Variants in MPDZ observed in about 807,000 individuals in gnomAD.
MPDZ encodes multiple PDZ domain crumbs cell polarity complex component, also known as multiple PDZ domain protein.
MPDZ carries 234 observed loss-of-function variants against 239.1 expected under a neutral mutation model. The observed-to-expected ratio is 0.98, with a 90% CI of 0.88 to 1.09. MPDZ has a LOEUF of 1.09. MPDZ is among the 50% of genes least tolerant of loss of function. The pLI is 0.00. For missense variants in MPDZ, 3,175 were observed against 2,510.0 expected, an observed-to-expected ratio of 1.26 and a Z score of -5.66; for synonymous variants, 1,048 against 881.3, an observed-to-expected ratio of 1.19 and a Z score of -3.35.
At chr9:13,165,244 T>G (rs956810833) in intron 22 of MPDZ, 10 of 921,992 alleles carry the variant, frequency 1.1e-5, no homozygotes, top group Non-Finnish European at 1.4e-5. Context: ...CAATCTAAAA[T>G]GTATATACAA....
At chr9:13,178,595 G>T (rs1952834006) in intron 19 of MPDZ, among the ~76,000 whole-genome samples, 1 of 152,158 alleles carries the variant, frequency 6.6e-6, no homozygotes, top group African/African-American at 2.4e-5. Flanking sequence ...TTTATGAAGA[G>T]ATCAAGAGCA....
chr9:13,117,348 A>G (rs148640104), intron 39 of MPDZ, among the ~76,000 whole-genome samples: 4,567 of 152,080 alleles, frequency 0.03, 225 homozygotes, highest in South Asian at 0.12. Flanking sequence ...TGGGTAACAC[A>G]GTGAAACCCT....
intron 23 of MPDZ, among the ~76,000 whole-genome samples, chr9:13,160,830 T>TTA (rs58374268): frequency 0.052 from 1,974 of 37,820 alleles, 101 homozygotes; most frequent in Admixed American, 0.078. Flanking sequence ...ATTATTAAAA[T>TTA]TATATATATA....
rs568936393 is a variant in MPDZ, at chr9:13,200,020, T to C, written c.1547-3790A>G. Among the ~76,000 whole-genome samples the C allele has an allele frequency of 1.2e-4, 18 of 152,152 alleles. No homozygotes were observed. The South Asian group carries it at 3.5e-3, about 30-fold the overall frequency. On this transcript the variant is annotated intron_variant, in intron 12 of 46. Coordinates refer to ENST00000319217, the MANE Select transcript of MPDZ (RefSeq NM_001378778.1). ...TCTTCAATTTTTTGGAATAGTTTAG[T>C]AGAACTGGATTAGTTATTTAAATGT...
chr9:13,261,989 G>T (rs1970790442), intron 1 of MPDZ, among the ~76,000 whole-genome samples: 1 of 151,654 alleles, frequency 6.6e-6, no homozygotes, highest in African/African-American at 2.4e-5. Context: ...AGGCTATAGT[G>T]AGCTATCATC....
At chr9:13,147,963 C>T (rs1241171626) in intron 25 of MPDZ, among the ~76,000 whole-genome samples, 1 of 151,958 alleles carries the variant, frequency 6.6e-6, no homozygotes, top group African/African-American at 2.4e-5. Context: ...AAATCAGTAT[C>T]ATTAACAAAA....
chr9:13,247,743 C>G lies in MPDZ; in HGVS notation c.75G>C (p.Gly25=), dbSNP rs535080740. ...ERLQTKLRER[G]DVANEDKLSL... is the part of the protein sequence containing the mutation. ...TCAGTTTGTCTTCATTTGCTACATC[C>G]CCACGTTCTCGCAGCTTGGTTTGCA... Residue 25 remains glycine, a synonymous_variant, in exon 3 of 47, where the codon GGG becomes GGC. Transcript: ENST00000319217. 2.2e-4 allele frequency: 354 copies of G among 1,613,026 alleles called. 3 individuals carry two copies. The South Asian group carries it at 3.6e-3, about 16-fold the overall frequency.
At position 13,175,800 on chromosome 9, in the gene MPDZ, C is replaced by T. The variant is rs374450400; in HGVS notation, c.3007G>A (p.Glu1003Lys). ...ATATTAATAGTCCTTTCAAAAGATT[C>T]TTTAGATACATTTTGAAGCATGACA... is the stretch of plus-strand genomic sequence containing the variant. ...ECVMLQNVSK[E>K]SFERTINIAK... The change falls in exon 21 of 47, where the codon GAA (glutamate) becomes AAA (lysine). Residue 1003 changes from glutamate to lysine, a missense_variant. Coordinates refer to ENST00000319217, the MANE Select transcript of MPDZ (RefSeq NM_001378778.1). The T allele has an allele frequency of 2.0e-5, 32 of 1,578,724 alleles. No individual in the cohort carries two copies. The African/African-American group carries it at 4.2e-4, about 21-fold the overall frequency.
At chr9:13,239,163 G>C (rs1588042713) in intron 3 of MPDZ, among the ~76,000 whole-genome samples, 1 of 152,106 alleles carries the variant, frequency 6.6e-6, no homozygotes, top group African/African-American at 2.4e-5. Context: ...GATCAGGTTT[G>C]TCTCCAACTA....
chr9:13,259,441 T>C (rs1334546830), intron 1 of MPDZ, among the ~76,000 whole-genome samples: 1 of 152,158 alleles, frequency 6.6e-6, no homozygotes, highest in Non-Finnish European at 1.5e-5. Flanking sequence ...GGCACTTACA[T>C]GACTAGCATG....
chr9:13,215,536 C>A (rs1448735846), intron 10 of MPDZ, among the ~76,000 whole-genome samples: 1 of 151,272 alleles, frequency 6.6e-6, no homozygotes, highest in Non-Finnish European at 1.5e-5. Context: ...TGAATAAGGA[C>A]TCCTCTACCT....
At chr9:13,251,866 CT>C (rs1196117022) in intron 1 of MPDZ, among the ~76,000 whole-genome samples, 1 of 152,092 alleles carries the variant, frequency 6.6e-6, no homozygotes, top group Non-Finnish European at 1.5e-5. Context: ...TAAAAAGTGC[CT>C]TTGTGTCAAG....
chr9:13,207,773 A>G (rs1214186386), intron 10 of MPDZ, among the ~76,000 whole-genome samples: 3 of 152,184 alleles, frequency 2.0e-5, no homozygotes, highest in African/African-American at 7.2e-5. Flanking sequence ...GTGTCATCAA[A>G]ACATGGTGCT....
intron 21 of MPDZ, among the ~76,000 whole-genome samples, chr9:13,170,991 A>G (rs1260244448): frequency 6.6e-6 from 1 of 152,170 alleles, no homozygotes; most frequent in Admixed American, 6.5e-5. Context: ...ATCCCAAATC[A>G]TGTGCTTTGT....
At chr9:13,172,051 A>G (rs1587489306) in intron 21 of MPDZ, among the ~76,000 whole-genome samples, 1 of 152,214 alleles carries the variant, frequency 6.6e-6, no homozygotes, top group East Asian at 1.9e-4. Flanking sequence ...TAATATTTAC[A>G]TAGATTTTTC....
chr9:13,134,604 C>T (rs1946473056), intron 31 of MPDZ: 1 of 152,144 alleles, frequency 6.6e-6, no homozygotes, highest in African/African-American at 2.4e-5. Context: ...GCTTTTCATT[C>T]TCTACTAACT....
At position 13,236,173 on chromosome 9, in the gene MPDZ, TTGTG is replaced by T. The variant is rs561178772; in HGVS notation, c.183+11458_183+11461del. Among the ~76,000 whole-genome samples the T allele has an allele frequency of 2.3e-3, 328 of 142,854 alleles. 1 individual carries two copies. The highest frequency in any genetic ancestry group is 8.0e-3 in the African/African-American group (309 of 38,762). 93.7% of individuals were successfully genotyped at this position (142,854 alleles called of 152,430 possible). ...GGCATACTGCACTAAATGCTGGGTT[TTGTG>T]TGTGTGTGTTTCTGTATATATGTGT... On this transcript the variant is annotated intron_variant, in intron 3 of 46. Coordinates refer to ENST00000319217, the MANE Select transcript of MPDZ (RefSeq NM_001378778.1).
At chr9:13,222,163 G>A in intron 6 of MPDZ, 70 bp downstream of exon 6, 1 of 1,302,448 alleles carries the variant, frequency 7.7e-7, no homozygotes. Context: ...ACACAAATTA[G>A]AAACTTGGAG....
chr9:13,275,060 T>C (rs1564183294), intron 1 of MPDZ, among the ~76,000 whole-genome samples: 1 of 152,212 alleles, frequency 6.6e-6, no homozygotes, highest in Non-Finnish European at 1.5e-5. Flanking sequence ...CAGCTTCCCT[T>C]TCTTGCCAAA....
Sources: allele counts gnomAD v4.1 joint callset (sites outside exome capture counted in the v4.1 genomes callset), GRCh38; gene constraint gnomAD v4.1.1; transcripts MANE v1.5; gene names NCBI Gene and HGNC (gene_info 2026-07-23, HGNC 2026-07-21).